The following ZNF385D variants were observed in gnomAD, a reference collection of about 807,000 sequenced individuals.
ZNF385D encodes the protein zinc finger protein 385D.
ZNF385D carries 15 observed loss-of-function variants against 35.8 expected under a neutral mutation model. That is an observed-to-expected ratio of 0.42 (90% CI 0.28 to 0.64). ZNF385D has a LOEUF of 0.64. Ranked by LOEUF, ZNF385D falls within the 30% of genes least tolerant of loss-of-function variation. ZNF385D has a pLI of 0.23. For synonymous variants in ZNF385D, 212 were observed against 186.8 expected (o/e 1.13, Z -1.10); for missense variants, 474 against 494.6 (o/e 0.96, Z 0.39).
intron 2 of ZNF385D, among the ~76,000 whole-genome samples, chr3:22,344,177 G>GGTGTGTGTGTGT (rs571896117): frequency 0.021 from 2,888 of 140,778 alleles, 48 homozygotes; most frequent in African/African-American, 0.041. Flanking sequence ...GGTGGGGTGG[G>GGTGTGTGTGTGT]GTGTGTGTGT....
intron 2 of ZNF385D, among the ~76,000 whole-genome samples, chr3:21,653,154 A>G (rs1340396039): frequency 1.3e-5 from 2 of 152,082 alleles, no homozygotes; most frequent in African/African-American, 2.4e-5. Flanking sequence ...CTATAATTCT[A>G]TTACATTTTG....
At chr3:21,921,163 C>T (rs886937642) in intron 3 of ZNF385D, among the ~76,000 whole-genome samples, 1 of 136,648 alleles carries the variant, frequency 7.3e-6, no homozygotes, top group Non-Finnish European at 1.5e-5. Flanking sequence ...GCGGAGTTTG[C>T]AGTGAGCCGA....
Position 21,943,521 on chromosome 3 carries a change from A to T in ZNF385D, c.325+225296T>A, listed in dbSNP as rs79400526. ...TTCAGTATATTTCATCAATATTTTA[A>T]CTGGGAAATTAGTTCATATGATACA... On this transcript the variant is annotated intron_variant, in intron 3 of 5. Coordinates refer to the ZNF385D transcript ENST00000494108. 5.3e-5 allele frequency among the ~76,000 whole-genome samples: 8 copies of T among 151,972 alleles called. No individual in the cohort carries two copies. The East Asian group carries it at 1.5e-3, about 29-fold the overall frequency.
At chr3:21,932,369 G>T (rs184346040) in intron 3 of ZNF385D, among the ~76,000 whole-genome samples, 15 of 151,912 alleles carry the variant, frequency 9.9e-5, no homozygotes, top group African/African-American at 3.4e-4. Flanking sequence ...CAAGTTTTCA[G>T]TATATAACGC....
intron 3 of ZNF385D, among the ~76,000 whole-genome samples, chr3:22,131,216 CAG>C (rs1703763121): frequency 6.6e-6 from 1 of 152,014 alleles, no homozygotes; most frequent in African/African-American, 2.4e-5. Context: ...GCAAATAAGA[CAG>C]AGACGATGTG....
At chr3:21,526,679 A>T (rs1216999517) in intron 3 of ZNF385D, among the ~76,000 whole-genome samples, 3 of 152,168 alleles carry the variant, frequency 2.0e-5, no homozygotes, top group Admixed American at 2.0e-4. Flanking sequence ...TAGATTTCGC[A>T]ACATGTATAT....
At chr3:21,798,272 C>G (rs1208061467) in intron 3 of ZNF385D, among the ~76,000 whole-genome samples, 1 of 152,214 alleles carries the variant, frequency 6.6e-6, no homozygotes, top group East Asian at 1.9e-4. Context: ...CGCATGGCCT[C>G]ACTCGGCTGA....
intron 3 of ZNF385D, among the ~76,000 whole-genome samples, chr3:21,555,612 A>G (rs1288613673): frequency 6.6e-6 from 1 of 152,064 alleles, no homozygotes; most frequent in Non-Finnish European, 1.5e-5. Flanking sequence ...CCAGTCTATC[A>G]CTGATGGGCA....
intron 2 of ZNF385D, among the ~76,000 whole-genome samples, chr3:22,194,305 C>G (rs1047022009): frequency 6.6e-6 from 1 of 151,658 alleles, no homozygotes; most frequent in African/African-American, 2.4e-5. Flanking sequence ...CAGATAAACG[C>G]AAACTATATT....
chr3:21,513,471 T>A (rs1342756881), intron 3 of ZNF385D, among the ~76,000 whole-genome samples: 1 of 152,190 alleles, frequency 6.6e-6, no homozygotes, highest in Non-Finnish European at 1.5e-5. Flanking sequence ...AACACCTTGA[T>A]AATAATTATT....
At chr3:22,330,368 G>A (rs545269055) in intron 2 of ZNF385D, among the ~76,000 whole-genome samples, 43 of 152,128 alleles carry the variant, frequency 2.8e-4, no homozygotes, top group Non-Finnish European at 5.6e-4. Flanking sequence ...TTTATTGTCT[G>A]TCTTAAAGGT....
chr3:21,694,206 G>A lies in ZNF385D; in HGVS notation c.23-29178C>T, dbSNP rs1431966642. The stretch of plus-strand genomic sequence containing the variant: ...CTACAGGCGCCCGCCACCACGCCCG[G>A]CTAATTTTTTGTATTTTCAGTGGAG... On this transcript the variant is annotated intron_variant, in intron 1 of 7. Transcript: ENST00000281523. Among the ~76,000 whole-genome samples, 5 of 151,746 alleles carry A rather than the reference G, an allele frequency of 3.3e-5. No homozygotes were observed. The East Asian group carries it at 9.7e-4, about 29-fold the overall frequency.
chr3:21,612,799 T>C (rs78478365), intron 2 of ZNF385D, among the ~76,000 whole-genome samples: 26 of 152,282 alleles, frequency 1.7e-4, no homozygotes, highest in Middle Eastern at 3.4e-3. Flanking sequence ...TCATAAAAGG[T>C]GACACTTACC....
intron 3 of ZNF385D, among the ~76,000 whole-genome samples, chr3:22,156,686 C>A (rs1206525382): frequency 2.6e-5 from 4 of 152,102 alleles, no homozygotes; most frequent in Admixed American, 6.6e-5. Flanking sequence ...AACTGAGCCA[C>A]AGCCATCTCT....
At chr3:21,835,381 C>T (rs1575745734) in intron 3 of ZNF385D, among the ~76,000 whole-genome samples, 1 of 151,848 alleles carries the variant, frequency 6.6e-6, no homozygotes, top group East Asian at 1.9e-4. Context: ...TGAGTTTTCC[C>T]TCCAGAAAAT....
intron 3 of ZNF385D, among the ~76,000 whole-genome samples, chr3:21,789,603 A>G (rs770106204): frequency 1.3e-5 from 2 of 152,212 alleles, no homozygotes; most frequent in Non-Finnish European, 2.9e-5. Flanking sequence ...TAACTGCCTT[A>G]CTGCAAATAC....
chr3:21,741,328 A>G (rs573344578), intron 1 of ZNF385D, among the ~76,000 whole-genome samples: 1 of 152,354 alleles, frequency 6.6e-6, no homozygotes, highest in South Asian at 2.1e-4. Flanking sequence ...TAAAGGAAAA[A>G]AATTAATCAA....
intron 2 of ZNF385D, among the ~76,000 whole-genome samples, chr3:22,322,659 C>A (rs921231683): frequency 1.3e-5 from 2 of 152,200 alleles, no homozygotes; most frequent in African/African-American, 2.4e-5. Context: ...TTATCTCTCA[C>A]TGAATATCAT....
At chr3:21,598,756 T>C (rs965446188) in intron 2 of ZNF385D, among the ~76,000 whole-genome samples, 5 of 152,242 alleles carry the variant, frequency 3.3e-5, no homozygotes, top group Admixed American at 2.6e-4. Context: ...ATGGGAATGC[T>C]AATTTCTAAC....
Sources: gnomAD v4.1 joint callset for allele counts (sites outside exome capture counted in the v4.1 genomes callset) on GRCh38, gnomAD v4.1.1 for gene constraint, MANE v1.5 for transcripts, NCBI Gene and HGNC (gene_info 2026-07-23, HGNC 2026-07-21) for gene names.